The following GPHN variants were observed in gnomAD, a reference collection of about 807,000 sequenced individuals.
GPHN encodes the protein gephyrin.
In GPHN, 17 loss-of-function variants were observed where a neutral mutation model predicts 95.5. The ratio of observed to expected loss-of-function variants is 0.18; its 90% CI spans 0.12 to 0.27. The LOEUF is 0.27. GPHN is among the 10% of genes least tolerant of loss of function. The pLI is 1.00. For missense variants in GPHN, 660 were observed against 978.1 expected (o/e 0.67, Z 4.34); for synonymous variants, 320 against 322.5 (o/e 0.99, Z 0.08).
intron 4 of GPHN, among the ~76,000 whole-genome samples, chr14:66,844,625 T>A (rs2062241678): frequency 6.6e-6 from 1 of 152,176 alleles, no homozygotes; most frequent in Admixed American, 6.5e-5. Flanking sequence ...TGGATGGGTT[T>A]TTATTTTCTT....
At chr14:67,300,086 G>A in the GPHN span, among the ~76,000 whole-genome samples, 1 of 152,094 alleles carries the variant, frequency 6.6e-6, no homozygotes, top group Non-Finnish European at 1.5e-5. Flanking sequence ...AGTTCTTGAA[G>A]AAGATAATAT....
At chr14:66,770,039 G>T (rs1350895283) in intron 2 of GPHN, among the ~76,000 whole-genome samples, 14 of 152,146 alleles carry the variant, frequency 9.2e-5, no homozygotes, top group Admixed American at 7.9e-4. Flanking sequence ...GTGTGAGATG[G>T]TATCTCATTA....
the GPHN span, among the ~76,000 whole-genome samples, chr14:67,402,909 T>A: frequency 6.6e-6 from 1 of 152,364 alleles, no homozygotes; most frequent in East Asian, 1.9e-4. Context: ...TTCAATATAT[T>A]GATTTCCTTT....
intron 2 of GPHN, among the ~76,000 whole-genome samples, chr14:66,760,286 A>C (rs2058712082): frequency 6.6e-6 from 1 of 152,248 alleles, no homozygotes; most frequent in Non-Finnish European, 1.5e-5. Flanking sequence ...ATAAATAGAT[A>C]AAATTTTAGT....
the GPHN span, among the ~76,000 whole-genome samples, chr14:67,255,972 T>G: frequency 6.6e-6 from 1 of 152,230 alleles, no homozygotes; most frequent in Non-Finnish European, 1.5e-5. Context: ...CAGACAGTTG[T>G]GAGCCTCTGT....
At chr14:67,724,468 G>T in the GPHN span, 1 of 1,584,458 alleles carries the variant, frequency 6.3e-7, no homozygotes, top group South Asian at 1.1e-5. Flanking sequence ...TTCCCTTGCC[G>T]ATAGGAAGTT....
At chr14:67,160,719 G>A (rs892103415) in intron 19 of GPHN, among the ~76,000 whole-genome samples, 38 of 152,270 alleles carry the variant, frequency 2.5e-4, no homozygotes, top group Admixed American at 3.3e-4. Context: ...GAATGGAGTA[G>A]AGGCTTCTCA....
chr14:66,861,569 A>G (rs995481748), intron 4 of GPHN, among the ~76,000 whole-genome samples: 3 of 152,232 alleles, frequency 2.0e-5, no homozygotes, highest in Non-Finnish European at 2.9e-5. Context: ...AACAGAGATA[A>G]TTCTAAAGGA....
chr14:67,477,625 T>C, the GPHN span, among the ~76,000 whole-genome samples: 1 of 152,048 alleles, frequency 6.6e-6, no homozygotes, highest in East Asian at 1.9e-4. Flanking sequence ...CCAAACTCCT[T>C]TCCTAAATCA....
intron 6 of GPHN, among the ~76,000 whole-genome samples, chr14:66,921,786 C>T (rs1414448685): frequency 1.3e-5 from 2 of 152,068 alleles, no homozygotes; most frequent in Admixed American, 1.3e-4. Context: ...AATCTGGAGG[C>T]ATCACATTAC....
At chr14:67,059,828 A>G (rs543381026) in intron 11 of GPHN, among the ~76,000 whole-genome samples, 30 of 152,264 alleles carry the variant, frequency 2.0e-4, no homozygotes, top group Non-Finnish European at 3.5e-4. Flanking sequence ...TTAGATATGC[A>G]TATCATTAGG....
intron 9 of GPHN, among the ~76,000 whole-genome samples, chr14:66,995,485 T>C (rs12588280): frequency 0.98 from 149,872 of 152,314 alleles, 73,757 homozygotes; most frequent in Middle Eastern, 1. Context: ...TCTTTCTGAT[T>C]GTAAGCTTTA....
intron 8 of GPHN, among the ~76,000 whole-genome samples, chr14:66,932,462 T>G (rs866940897): frequency 4.7e-4 from 62 of 131,256 alleles, no homozygotes; most frequent in African/African-American, 1.7e-3. Flanking sequence ...TTTTTTTTTT[T>G]TTTTTTTTTT....
At chr14:66,911,599 T>G (rs569306384) in intron 5 of GPHN, among the ~76,000 whole-genome samples, 3 of 152,098 alleles carry the variant, frequency 2.0e-5, no homozygotes, top group African/African-American at 7.2e-5. Context: ...CAGTGGGATT[T>G]TTATTGTTAT....
chr14:66,868,814 T>C (rs879753316), intron 4 of GPHN, among the ~76,000 whole-genome samples: 3 of 152,198 alleles, frequency 2.0e-5, no homozygotes, highest in Non-Finnish European at 4.4e-5. Flanking sequence ...TACTGAATCA[T>C]TGTTTTTGAC....
At chr14:67,338,037 T>C in the GPHN span, 1 of 152,258 alleles carries the variant, frequency 6.6e-6, no homozygotes, top group Non-Finnish European at 1.5e-5. Flanking sequence ...CATGAGAACA[T>C]GACTTAACAG....
At chr14:66,675,088 A>G (rs1318168825) in intron 1 of GPHN, among the ~76,000 whole-genome samples, 2 of 148,552 alleles carry the variant, frequency 1.3e-5, no homozygotes, top group Non-Finnish European at 3.0e-5. Context: ...ATTCATTCAT[A>G]TATTTGTTGG....
At chr14:67,438,070 C>T in the GPHN span, among the ~76,000 whole-genome samples, 11 of 152,186 alleles carry the variant, frequency 7.2e-5, no homozygotes, top group South Asian at 2.1e-4. Flanking sequence ...GTCTAGTGTC[C>T]GTGCTCCCCA....
intron 3 of GPHN, among the ~76,000 whole-genome samples, chr14:66,811,902 A>G (rs144426631): frequency 2.0e-5 from 3 of 152,356 alleles, no homozygotes; most frequent in Admixed American, 6.5e-5. Context: ...CAAAGAAACA[A>G]TAACTATCTG....
Sources: allele counts gnomAD v4.1 joint callset (sites outside exome capture counted in the v4.1 genomes callset), GRCh38; gene constraint gnomAD v4.1.1; transcripts MANE v1.5; gene names NCBI Gene and HGNC (gene_info 2026-07-23, HGNC 2026-07-21).